MALT1: variants seen among roughly 807,000 people sequenced by gnomAD.
MALT1 encodes the protein MALT1 paracaspase.
In MALT1, 36 loss-of-function variants were observed where a neutral mutation model predicts 85.5. The observed-to-expected ratio is 0.42, with a 90% CI of 0.32 to 0.56. The LOEUF is 0.56. MALT1 is among the 20% of genes least tolerant of loss of function. The pLI is 0.10. For missense variants in MALT1, 716 were observed against 981.6 expected, an observed-to-expected ratio of 0.73 and a Z score of 3.62; for synonymous variants, 359 against 361.3, an observed-to-expected ratio of 0.99 and a Z score of 0.07.
chr18:58,700,595 A>G lies in MALT1; in HGVS notation c.649+4A>G. The G allele has an allele frequency of 6.3e-7, 1 of 1,585,032 alleles. No individual in the cohort carries two copies. The highest frequency in any genetic ancestry group is 1.2e-5 in the South Asian group (1 of 84,644). On this transcript the variant is annotated splice_donor_region_variant and intron_variant, in intron 4 of 16. Transcript: ENST00000649217. ...GACATCCCAGAGAGCTTCCAGAGTA[A>G]GTAACGAAAGAAGCTGAATGTTGGG...
At position 58,741,948 on chromosome 18, in the gene MALT1, C is replaced by T. The variant is rs930567184; in HGVS notation, c.1687C>T (p.Pro563Ser). 1.3e-6 allele frequency: 2 copies of T among 1,570,726 alleles called. No homozygotes were observed. The highest frequency in any genetic ancestry group is 1.7e-6 in the Non-Finnish European group (2 of 1,148,582). Residue 563 changes from proline to serine, a missense_variant, in exon 14 of 17, where the codon CCA becomes TCA. This residue lies in a region of MALT1 where 260 missense variants were observed against 323.7 expected (regional missense o/e 0.80). Transcript: ENST00000649217. ...SLSEKRALTD[P>S]IQGTEYSAES... The stretch of plus-strand genomic sequence containing the variant: ...ATCTGAGAAGAGAGCACTTACTGAT[C>T]CAATACAGGGAACAGAATATTCTGC...
rs1358697913 is a variant in MALT1, at chr18:58,753,741, A to G, written c.*5899A>G. ...AACAATGACTGTATAATTTTAAAAT[A>G]CAGATATGCACAATTGTGTAATGTA... On this transcript the variant is annotated 3_prime_UTR_variant, in exon 17 of 17. Transcript: ENST00000649217. The G allele has an allele frequency of 6.6e-6, 1 of 152,238 alleles. No homozygotes were observed. The highest frequency in any genetic ancestry group is 1.5e-5 in the Non-Finnish European group (1 of 68,034). 9.4% of individuals were successfully genotyped at this position (152,238 alleles called of 1,614,324 possible).
intron 2 of MALT1, among the ~76,000 whole-genome samples, chr18:58,695,013 C>T (rs1342258579): frequency 6.6e-6 from 1 of 152,084 alleles, no homozygotes; most frequent in Non-Finnish European, 1.5e-5. Flanking sequence ...GGGGGCAGGT[C>T]TTTCTCTGCT....
At chr18:58,702,589 TGTG>T (rs2054689153) in intron 4 of MALT1, among the ~76,000 whole-genome samples, 1 of 152,218 alleles carries the variant, frequency 6.6e-6, no homozygotes, top group Non-Finnish European at 1.5e-5. Flanking sequence ...ATTTGAATGT[TGTG>T]GTCTTCAGTT....
At position 58,751,841 on chromosome 18, in the gene MALT1, A is replaced by G. The variant is rs556849549; in HGVS notation, c.*3999A>G. 1.3e-5 allele frequency: 2 copies of G among 152,376 alleles called. No individual in the cohort carries two copies. Among genetic ancestry groups the G allele is most frequent in the East Asian group, 1.9e-4 (1 of 5,190 alleles). 9.4% of individuals were successfully genotyped at this position (152,376 alleles called of 1,614,324 possible). On this transcript the variant is annotated 3_prime_UTR_variant, in exon 17 of 17. Coordinates refer to ENST00000649217, the MANE Select transcript of MALT1 (RefSeq NM_006785.4). ...AATTAAAGTCACAATTATAAATTGT[A>G]TATTTCCTAATAAAAGAAATCTCAA...
chr18:58,734,974 A>C (rs892025229), intron 12 of MALT1, among the ~76,000 whole-genome samples: 1 of 152,236 alleles, frequency 6.6e-6, no homozygotes, highest in African/African-American at 2.4e-5. Flanking sequence ...GAATGATTGA[A>C]TCAAGATAAT....
chr18:58,718,100 AGAT>A (rs1161805102), intron 9 of MALT1, among the ~76,000 whole-genome samples: 7 of 152,226 alleles, frequency 4.6e-5, no homozygotes, highest in Admixed American at 4.6e-4. Context: ...CATTTTTAGT[AGAT>A]GAAAATTTAA....
intron 2 of MALT1, chr18:58,691,212 G>T: frequency 3.2e-6 from 1 of 312,832 alleles, no homozygotes; most frequent in East Asian, 1.2e-4. Flanking sequence ...CAATGTTTCT[G>T]ATGTGAAAGA....
At chr18:58,724,079 A>G (rs12969413) in intron 10 of MALT1, among the ~76,000 whole-genome samples, 60,410 of 152,084 alleles carry the variant, frequency 0.4, 14,446 homozygotes, top group Non-Finnish European at 0.52. Context: ...ATGATAAACA[A>G]AAAGTACCGG....
At position 58,715,937 on chromosome 18, in the gene MALT1, A is replaced by G. The variant is rs1274417513; in HGVS notation, c.988A>G (p.Asn330Asp). Residue 330 changes from asparagine to aspartate, a missense_variant and splice_region_variant, in exon 9 of 17, where the codon AAT becomes GAT. Asn to Asp is a conservative substitution (Grantham distance 23). Coordinates refer to ENST00000649217, the MANE Select transcript of MALT1 (RefSeq NM_006785.4). ...DELNNLGHPD[N>D]KEQTTDQPLA... ...TTTGCTTTTTTATCTTTGTATAGAT[A>G]ATAAAGAGCAAACAACTGACCAGCC... The G allele has an allele frequency of 1.9e-6, 3 of 1,603,038 alleles. No individual in the cohort carries two copies. The highest frequency in any genetic ancestry group is 1.1e-5 in the South Asian group (1 of 88,818).
chr18:58,677,051 A>C (rs1049779000), intron 1 of MALT1, among the ~76,000 whole-genome samples: 1 of 152,194 alleles, frequency 6.6e-6, no homozygotes, highest in African/African-American at 2.4e-5. Flanking sequence ...ATTAAATCAA[A>C]AATTCTAAAT....
chr18:58,730,755 A>G (rs1329119480), intron 10 of MALT1, among the ~76,000 whole-genome samples: 1 of 152,184 alleles, frequency 6.6e-6, no homozygotes, highest in Non-Finnish European at 1.5e-5. Flanking sequence ...ACCAGAAATG[A>G]ATGAGGGTTC....
At position 58,753,683 on chromosome 18, in the gene MALT1, T is replaced by C. The variant is rs925770243; in HGVS notation, c.*5841T>C. The C allele has an allele frequency of 6.6e-6, 1 of 152,250 alleles. No homozygotes were observed. The highest frequency in any genetic ancestry group is 1.5e-5 in the Non-Finnish European group (1 of 68,036). The allele number at this position is 152,250 out of a possible 1,614,324, so 9.4% of individuals were successfully genotyped here. A position where few individuals can be genotyped will look rare whatever the true frequency, so the allele number is the denominator to read the frequency against. ...TCTGGTGGGATAATTTTTCTTTGCT[T>C]GTTTACCTGTGTCTTGCAGATTTTA... On this transcript the variant is annotated 3_prime_UTR_variant, in exon 17 of 17. Transcript: ENST00000649217.
rs2055208954 is a variant in MALT1, at chr18:58,735,339, AAAAT to A, written c.1603+14_1603+17del. 6 of 1,589,146 alleles carry A rather than the reference AAAAT, an allele frequency of 3.8e-6. No homozygotes were observed. The East Asian group carries it at 6.7e-5, about 18-fold the overall frequency. The stretch of plus-strand genomic sequence containing the variant: ...GATGAAGTTGCAGAAGGTAAAATAA[AAAAT>A]AAAGAGAAAAGTACTCAGAAAAAGG... On this transcript the variant is annotated intron_variant, in intron 13 of 16. Coordinates refer to ENST00000649217, the MANE Select transcript of MALT1 (RefSeq NM_006785.4).
Position 58,747,922 on chromosome 18 carries a change from A to C in MALT1, c.*80A>C. Reference sequence around the variant, plus strand: ...ACTTACATAAAGTGAGACATTGTGAAAAGGCAAATTTGTATATGTAGAGAA... The same window carrying C: ...ACTTACATAAAGTGAGACATTGTGACAAGGCAAATTTGTATATGTAGAGAA... On this transcript the variant is annotated 3_prime_UTR_variant, in exon 17 of 17. Transcript: ENST00000649217. The C allele has an allele frequency of 1.8e-6, 2 of 1,136,060 alleles. No homozygotes were observed. The highest frequency in any genetic ancestry group is 2.6e-6 in the Non-Finnish European group (2 of 782,640). The allele number at this position is 1,136,060 out of a possible 1,614,324, so 70.4% of individuals were successfully genotyped here. A position where few individuals can be genotyped will look rare whatever the true frequency, so the allele number is the denominator to read the frequency against.
In MALT1 at chr18:58,748,053, A is replaced by AATTACATTATTTAATTACAGACTTCCTCT; in HGVS notation, c.*211_*212insATTACATTATTTAATTACAGACTTCCTCT. 1 of 547,370 alleles carries AATTACATTATTTAATTACAGACTTCCTCT rather than the reference A, an allele frequency of 1.8e-6. No homozygotes were observed. The allele number at this position is 547,370 out of a possible 1,614,324, so 33.9% of individuals were successfully genotyped here. A position where few individuals can be genotyped will look rare whatever the true frequency, so the allele number is the denominator to read the frequency against. Reference sequence around the variant, plus strand: ...TTCTAAGATTTTGTGAATTGGTTGAATAGTTCTATACAAATGAAGTATGGA... The same window carrying AATTACATTATTTAATTACAGACTTCCTCT: ...TTCTAAGATTTTGTGAATTGGTTGAAATTACATTATTTAATTACAGACTTCCTCTTAGTTCTATACAAATGAAGTATGGA... On this transcript the variant is annotated 3_prime_UTR_variant, in exon 17 of 17. Transcript: ENST00000649217.
In MALT1 at chr18:58,733,509, A is replaced by G. The variant is rs768323728; in HGVS notation, c.1335A>G (p.Ile445Met). The change falls in exon 11 of 17, where the codon ATA (isoleucine) becomes ATG (methionine). Residue 445 changes from isoleucine to methionine, a missense_variant. By Grantham distance (10) the Ile-to-Met change is conservative. Transcript: ENST00000649217. ...AAAATTGTCTGTGTGTACAAAATAT[A>G]CTGAAATTGATGCAAGAAAAAGAAA... ...RSENCLCVQN[I>M]LKLMQEKETG... is the part of the protein sequence containing the mutation. 3 of 1,612,510 alleles carry G rather than the reference A, an allele frequency of 1.9e-6. No individual in the cohort carries two copies. The highest frequency in any genetic ancestry group is 2.5e-6 in the Non-Finnish European group (3 of 1,178,938).
intron 13 of MALT1, among the ~76,000 whole-genome samples, chr18:58,739,617 C>CTA (rs1568154606): frequency 6.6e-6 from 1 of 152,168 alleles, no homozygotes; most frequent in Admixed American, 6.5e-5. Context: ...TAGCTGAAGG[C>CTA]CTTAATGGAG....
chr18:58,712,559 G>C (rs1047646685), intron 7 of MALT1, among the ~76,000 whole-genome samples: 9 of 152,160 alleles, frequency 5.9e-5, no homozygotes, highest in Admixed American at 5.2e-4. Context: ...GGTGGATGAA[G>C]AGAGGTTGGT....
Sources: allele counts gnomAD v4.1 joint callset (sites outside exome capture counted in the v4.1 genomes callset), GRCh38; gene constraint gnomAD v4.1.1; regional missense constraint gnomAD v4.1.1; transcripts MANE v1.5; gene names NCBI Gene and HGNC (gene_info 2026-07-23, HGNC 2026-07-21).